The following CCDC146 variants were observed in gnomAD, a reference collection of about 807,000 sequenced individuals.
CCDC146 encodes coiled-coil domain-containing protein 146.
CCDC146 carries 92 observed loss-of-function variants against 119.3 expected under a neutral mutation model. That is an observed-to-expected ratio of 0.77 (90% confidence interval 0.65 to 0.92). The LOEUF is 0.92. Ranked by LOEUF, CCDC146 falls within the 40% of genes least tolerant of loss-of-function variation. CCDC146 has a pLI of 0.00. For synonymous variants in CCDC146, 372 were observed against 371.8 expected, an observed-to-expected ratio of 1.00 and a Z score of -0.01; for missense variants, 1,000 against 1,103.0, an observed-to-expected ratio of 0.91 and a Z score of 1.32.
At chr7:77,152,663 G>A (rs1442012353) in intron 1 of CCDC146, among the ~76,000 whole-genome samples, 1 of 152,110 alleles carries the variant, frequency 6.6e-6, no homozygotes, top group Non-Finnish European at 1.5e-5. Flanking sequence ...TGAAGATAAG[G>A]TCTTTTAAGG....
chr7:77,287,301 G>C, intron 16 of CCDC146, 139 bp from the exon 17 acceptor site: 1 of 843,056 alleles, frequency 1.2e-6, no homozygotes, highest in Non-Finnish European at 1.9e-6. Flanking sequence ...GCTGGGGCAG[G>C]GAAAGTCTTA....
At chr7:77,255,640 C>T (rs1793163834) in intron 5 of CCDC146, among the ~76,000 whole-genome samples, 1 of 152,172 alleles carries the variant, frequency 6.6e-6, no homozygotes, top group Non-Finnish European at 1.5e-5. Context: ...ATGCAGAAAG[C>T]CCAGGGCAGG....
At chr7:77,218,615 CTTTTTTT>C (rs569678543) in intron 2 of CCDC146, among the ~76,000 whole-genome samples, 1 of 142,536 alleles carries the variant, frequency 7.0e-6, no homozygotes, top group Non-Finnish European at 1.5e-5. Context: ...TACCAATTCT[CTTTTTTT>C]TTTTTTTGGC....
chr7:77,212,440 T>A lies in CCDC146; in HGVS notation c.157-24507T>A, dbSNP rs1034193166. ...ATCGAGACCATCCCGGCTAACATGG[T>A]GAAACCCTGTCTCTACTAAAAATAC... On this transcript the variant is annotated intron_variant, in intron 2 of 18. Coordinates refer to ENST00000285871, the MANE Select transcript of CCDC146 (RefSeq NM_020879.3). Among the ~76,000 whole-genome samples the A allele has an allele frequency of 4.6e-5, 7 of 151,882 alleles. No homozygotes were observed. The South Asian group carries it at 6.2e-4, about 14-fold the overall frequency.
At chr7:77,186,692 A>G (rs565843489) in intron 2 of CCDC146, among the ~76,000 whole-genome samples, 1 of 152,324 alleles carries the variant, frequency 6.6e-6, no homozygotes, top group South Asian at 2.1e-4. Flanking sequence ...ACTTCATCTG[A>G]ATTACATTTA....
intron 2 of CCDC146, among the ~76,000 whole-genome samples, chr7:77,223,334 T>C (rs1318146869): frequency 6.6e-6 from 1 of 152,260 alleles, no homozygotes; most frequent in Admixed American, 6.5e-5. Flanking sequence ...TTTGAAGTCA[T>C]ACATGTGGCT....
intron 2 of CCDC146, among the ~76,000 whole-genome samples, chr7:77,211,134 C>G (rs1792174554): frequency 6.6e-6 from 1 of 152,100 alleles, no homozygotes; most frequent in Non-Finnish European, 1.5e-5. Context: ...CCACCCAGGT[C>G]AAAAAATAAA....
chr7:77,283,596 A>G (rs1463356766), intron 15 of CCDC146, among the ~76,000 whole-genome samples: 1 of 152,186 alleles, frequency 6.6e-6, no homozygotes, highest in Non-Finnish European at 1.5e-5. Context: ...TAAAAATTAT[A>G]AAGAAGAAAA....
At chr7:77,181,348 GT>G (rs1346139364) in intron 2 of CCDC146, among the ~76,000 whole-genome samples, 1 of 152,168 alleles carries the variant, frequency 6.6e-6, no homozygotes, top group East Asian at 1.9e-4. Context: ...GGTGATAAAG[GT>G]CAGTGGGGGT....
At chr7:77,211,361 T>C (rs1792178676) in intron 2 of CCDC146, among the ~76,000 whole-genome samples, 1 of 152,220 alleles carries the variant, frequency 6.6e-6, no homozygotes, top group African/African-American at 2.4e-5. Flanking sequence ...TTTAACTCAA[T>C]GTTATATTTG....
At position 77,227,003 on chromosome 7, in the gene CCDC146, GTT is replaced by G. The variant is rs370743431; in HGVS notation, c.157-9942_157-9941del. Among the ~76,000 whole-genome samples the G allele has an allele frequency of 5.7e-4, 87 of 152,246 alleles. 1 individual carries two copies. Among genetic ancestry groups the G allele is most frequent in the African/African-American group, 1.9e-3 (77 of 41,538 alleles). On this transcript the variant is annotated intron_variant, in intron 2 of 18. Coordinates refer to ENST00000285871, the MANE Select transcript of CCDC146 (RefSeq NM_020879.3). Reference sequence around the variant, plus strand: ...AGGCAGCTAAAATCTATTCTCCACAGTTTAGTTTTTTTAAGAGAGATTTGTTT... The same window carrying G: ...AGGCAGCTAAAATCTATTCTCCACAGTAGTTTTTTTAAGAGAGATTTGTTT...
At chr7:77,181,979 A>G (rs1791596685) in intron 2 of CCDC146, among the ~76,000 whole-genome samples, 6 of 152,148 alleles carry the variant, frequency 3.9e-5, no homozygotes, top group Admixed American at 3.9e-4. Flanking sequence ...GGGAAACAAA[A>G]AGGAGATATA....
In CCDC146 at chr7:77,262,163, G is replaced by T. The variant is rs1362883972; in HGVS notation, c.1029G>T (p.Lys343Asn). The change falls in exon 9 of 19, where the codon AAG (lysine) becomes AAT (asparagine). Residue 343 changes from lysine to asparagine, a missense_variant. Lys to Asn is a moderately conservative substitution (Grantham distance 94, BLOSUM62 0). Coordinates refer to ENST00000285871, the MANE Select transcript of CCDC146 (RefSeq NM_020879.3). ...DLNLRNSLID[K>N]QNYHDELSRK... ...ATTTACGCAACAGTCTCATTGACAA[G>T]CAGAACTACCATGATGAACTTTCTC... 2.5e-6 allele frequency: 4 copies of T among 1,611,834 alleles called. No individual in the cohort carries two copies. The highest frequency in any genetic ancestry group is 3.4e-5 in the Admixed American group (2 of 59,466).
chr7:77,199,299 A>G (rs1174787806), intron 2 of CCDC146: 1 of 1,614,154 alleles, frequency 6.2e-7, no homozygotes. Flanking sequence ...TGTTGTTCAT[A>G]TTTACAAGAT....
Position 77,280,643 on chromosome 7 carries a change from C to A in CCDC146, c.1909C>A (p.Arg637=), listed in dbSNP as rs769331873. 1.2e-6 allele frequency: 2 copies of A among 1,609,588 alleles called. No homozygotes were observed. Residue 637 remains arginine, a synonymous_variant, in exon 14 of 19, where the codon CGA becomes AGA. Coordinates refer to ENST00000285871, the MANE Select transcript of CCDC146 (RefSeq NM_020879.3). Reference sequence around the variant, plus strand: ...AAGATACGAAAAAGCTGTTCAGCATCGAAATGAAAGGTAAAAACCAGGTGT... The same window carrying A: ...AAGATACGAAAAAGCTGTTCAGCATAGAAATGAAAGGTAAAAACCAGGTGT... ...RKRYEKAVQH[R]NESGVQLIER...
intron 17 of CCDC146, among the ~76,000 whole-genome samples, chr7:77,291,192 G>A (rs1793936259): frequency 6.6e-6 from 1 of 152,090 alleles, no homozygotes; most frequent in Non-Finnish European, 1.5e-5. Context: ...AAAAAATAAG[G>A]CAAGGTAAGA....
At chr7:77,259,716 G>C (rs1313689223) in intron 7 of CCDC146, among the ~76,000 whole-genome samples, 1 of 152,244 alleles carries the variant, frequency 6.6e-6, no homozygotes, top group Middle Eastern at 3.4e-3. Flanking sequence ...TGGTCAGGAC[G>C]AGGGTTGAAT....
chr7:77,181,777 T>C (rs892770841), intron 2 of CCDC146, among the ~76,000 whole-genome samples: 1 of 152,222 alleles, frequency 6.6e-6, no homozygotes, highest in Admixed American at 6.5e-5. Flanking sequence ...TTTTTCCCCA[T>C]GTGGAAATTA....
Position 77,196,423 on chromosome 7 carries a change from T to G in CCDC146, c.156+28599T>G. The G allele has an allele frequency of 6.2e-7, 1 of 1,614,132 alleles. No individual in the cohort carries two copies. Among genetic ancestry groups the G allele is most frequent in the Non-Finnish European group, 8.5e-7 (1 of 1,180,016 alleles). On this transcript the variant is annotated intron_variant, in intron 2 of 18. Transcript: ENST00000285871. The surrounding 1 kb of genome is among the most constrained non-coding windows in gnomAD (Gnocchi z 4.2). ...CACCTCTGTATTTTTGGTGATAATATTTGCCATTTAAGTTTGCAGAAAGAC... is the reference window on the plus strand; with the variant it reads ...CACCTCTGTATTTTTGGTGATAATAGTTGCCATTTAAGTTTGCAGAAAGAC...
Sources: gnomAD v4.1 joint callset for allele counts (sites outside exome capture counted in the v4.1 genomes callset) on GRCh38, gnomAD v4.1.1 for gene constraint, Gnocchi (gnomAD v3.1) non-coding constraint, MANE v1.5 for transcripts, NCBI Gene and HGNC (gene_info 2026-07-23, HGNC 2026-07-21) for gene names.